Variants in BNIPL observed in about 807,000 individuals in gnomAD.
BNIPL encodes the protein BCL2 interacting protein like.
Under a neutral mutation model 47.0 loss-of-function variants are expected in BNIPL, and 33 were observed. The ratio of observed to expected loss-of-function variants is 0.70; its 90% confidence interval spans 0.53 to 0.94. BNIPL has a LOEUF of 0.94. Ranked by LOEUF, BNIPL falls within the 40% of genes least tolerant of loss-of-function variation. The pLI is 0.00. For synonymous variants in BNIPL, 145 were observed against 162.7 expected, an observed-to-expected ratio of 0.89 and a Z score of 0.83; for missense variants, 404 against 445.2, an observed-to-expected ratio of 0.91 and a Z score of 0.83.
chr1:151,045,613 A>C, intron 7 of BNIPL, 184 bp from the exon 8 acceptor site: 4 of 827,268 alleles, frequency 4.8e-6, no homozygotes, highest in Non-Finnish European at 6.8e-6. Flanking sequence ...AGGATCATGG[A>C]GGGCTAAATA....
intron 7 of BNIPL, among the ~76,000 whole-genome samples, chr1:151,045,281 A>G (rs1271706920): frequency 6.8e-6 from 1 of 147,832 alleles, no homozygotes; most frequent in African/African-American, 2.5e-5. Flanking sequence ...AAAAAAAAAA[A>G]AAAAAAAAAT....
Position 151,046,835 on chromosome 1 carries a change from T to A in BNIPL, c.*148T>A. On this transcript the variant is annotated 3_prime_UTR_variant, in exon 10 of 10. Transcript: ENST00000368931. ...TCTCAGTGGGATTTTGTCCTTTGCA[T>A]GACCCTACTTTCAGCAGGGCTTTGA... 1.7e-6 allele frequency: 1 copy of A among 599,834 alleles called. No individual in the cohort carries two copies. Among genetic ancestry groups the A allele is most frequent in the Non-Finnish European group, 2.8e-6 (1 of 352,924 alleles). The allele number at this position is 599,834 out of a possible 1,614,324, so 37.2% of individuals were successfully genotyped here. A position where few individuals can be genotyped will look rare whatever the true frequency, so the allele number is the denominator to read the frequency against.
At chr1:151,038,762 C>T in intron 3 of BNIPL, 34 bp from the exon 4 acceptor site, 2 of 1,558,552 alleles carry the variant, frequency 1.3e-6, no homozygotes, top group Non-Finnish European at 1.7e-6. Context: ...AACACACACA[C>T]CCATCTTGGT....
intron 9 of BNIPL, 39 bp from the exon 10 acceptor site, chr1:151,046,612 C>T (rs1676033192): frequency 2.6e-6 from 4 of 1,567,298 alleles, no homozygotes; most frequent in Non-Finnish European, 2.6e-6. Flanking sequence ...AAGTCCTACC[C>T]CCTGAACCAC....
At chr1:151,043,792 T>C in intron 7 of BNIPL, 65 bp downstream of exon 7, 1 of 1,507,810 alleles carries the variant, frequency 6.6e-7, no homozygotes, top group Non-Finnish European at 9.0e-7. Flanking sequence ...CTTTCTATTA[T>C]TTCTTCTTCC....
chr1:151,043,406 T>A lies in BNIPL; in HGVS notation c.691T>A (p.Tyr231Asn), dbSNP rs763562511. 1 of 1,608,238 alleles carries A rather than the reference T, an allele frequency of 6.2e-7. No individual in the cohort carries two copies. Among genetic ancestry groups the A allele is most frequent in the Non-Finnish European group, 8.5e-7 (1 of 1,174,720 alleles). ...TCTACCCAGAAGCAGCATCCCCAAC[T>A]ACACCTATGTCATGGAACACTTGTT... is the stretch of plus-strand genomic sequence containing the variant. ...CYLPRSSIPN[Y>N]TYVMEHLFRY... is the part of the protein sequence containing the mutation. Residue 231 changes from tyrosine to asparagine, a missense_variant, in exon 6 of 10, where the codon TAC (tyrosine) becomes AAC (asparagine). Tyr to Asn is a moderately radical substitution (Grantham distance 143). Transcript: ENST00000368931.
At chr1:151,042,906 T>A in intron 4 of BNIPL, 50 bp from the exon 5 acceptor site, 2 of 1,391,036 alleles carry the variant, frequency 1.4e-6, no homozygotes, top group Admixed American at 5.4e-5. Flanking sequence ...TACAAAAAAC[T>A]GAAGGTAGGA....
intron 9 of BNIPL, 91 bp from the exon 10 acceptor site, chr1:151,046,560 C>CA: frequency 8.2e-7 from 1 of 1,219,132 alleles, no homozygotes; most frequent in African/African-American, 1.5e-5. Context: ...CTAGCTCTTC[C>CA]AATTCACCTG....
intron 7 of BNIPL, chr1:151,044,755 CTG>C: frequency 1.7e-6 from 2 of 1,203,296 alleles, no homozygotes; most frequent in Non-Finnish European, 2.1e-6. Flanking sequence ...GTGCCTGGCC[CTG>C]TGTCTTCTTT....
Position 151,047,692 on chromosome 1 carries a change from G to GGCCCGCGCGAGCGC in BNIPL, c.*1009_*1022dup. On this transcript the variant is annotated 3_prime_UTR_variant, in exon 10 of 10. Coordinates refer to ENST00000368931, the MANE Select transcript of BNIPL (RefSeq NM_138278.4). ...GAGGTTCCTTAGGAGCACCCCGCGC[G>GGCCCGCGCGAGCGC]GCCCGCGCGAGCGCGCCTGCGCGTC... The GGCCCGCGCGAGCGC allele has an allele frequency of 1.2e-5, 16 of 1,289,762 alleles. No homozygotes were observed. Among genetic ancestry groups the GGCCCGCGCGAGCGC allele is most frequent in the Non-Finnish European group, 1.5e-5 (15 of 980,638 alleles). The allele number at this position is 1,289,762 out of a possible 1,614,324, so 79.9% of individuals were successfully genotyped here.
chr1:151,045,676 C>T (rs1675993758), intron 7 of BNIPL, 121 bp from the exon 8 acceptor site: 25 of 1,520,034 alleles, frequency 1.6e-5, no homozygotes, highest in Non-Finnish European at 2.1e-5. Flanking sequence ...GACCCAAGTA[C>T]CAGATAAATC....
Position 151,038,792 on chromosome 1 carries a change from C to T in BNIPL, c.203-4C>T, listed in dbSNP as rs759090792. The T allele has an allele frequency of 1.3e-6, 2 of 1,569,484 alleles. No homozygotes were observed. Among genetic ancestry groups the T allele is most frequent in the Admixed American group, 1.9e-5 (1 of 53,144 alleles). On this transcript the variant is annotated splice_polypyrimidine_tract_variant and splice_region_variant and intron_variant, in intron 3 of 9. Transcript: ENST00000368931. ...CTTGGTTCTCTTTTTCCCCCTTTCT[C>T]CAGCTGCAGGTACCCCCAGCACTTT... is the stretch of plus-strand genomic sequence containing the variant.
At chr1:151,045,558 C>CAAA (rs587769189) in intron 7 of BNIPL, 9,642 of 246,802 alleles carry the variant, frequency 0.039, 15 homozygotes, top group South Asian at 0.057. Context: ...GACTCCGTCT[C>CAAA]AAAAAAAAAA....
Position 151,045,848 on chromosome 1 carries a change from G to A in BNIPL, c.903G>A (p.Val301=). 2 of 1,614,190 alleles carry A rather than the reference G, an allele frequency of 1.2e-6. No homozygotes were observed. Reference sequence around the variant, plus strand: ...TGGTTGTCCATGCTACATGGTATGTGAAAGCATTTCTGGCACTGCTTCGGC... The same window carrying A: ...TGGTTGTCCATGCTACATGGTATGTAAAAGCATTTCTGGCACTGCTTCGGC... The part of the protein sequence containing the change: ...ALVVVHATWY[V]KAFLALLRPF... The change falls in exon 8 of 10, where the codon GTG becomes GTA. Residue 301 remains valine (V), a synonymous_variant. Coordinates refer to ENST00000368931, the MANE Select transcript of BNIPL (RefSeq NM_138278.4).
chr1:151,038,969 T>C lies in BNIPL; in HGVS notation c.376T>C (p.Leu126=). 1.9e-6 allele frequency: 3 copies of C among 1,611,938 alleles called. No homozygotes were observed. The highest frequency in any genetic ancestry group is 1.3e-5 in the African/African-American group (1 of 74,898). The part of the protein sequence containing the change: ...DGSSDLEIDE[L]ETPSDSEQLD... ...CAGTTCTGACCTGGAGATAGACGAA[T>C]TGGAGACACCTTCAGACTCGGAGCA... Residue 126 remains leucine (L), a synonymous_variant, in exon 4 of 10, where the codon TTG becomes CTG. Coordinates refer to ENST00000368931, the MANE Select transcript of BNIPL (RefSeq NM_138278.4).
In BNIPL at chr1:151,046,784, A is replaced by G; in HGVS notation, c.*97A>G. 9.9e-7 allele frequency: 1 copy of G among 1,006,036 alleles called. No homozygotes were observed. The highest frequency in any genetic ancestry group is 1.5e-6 in the Non-Finnish European group (1 of 671,806). 62.3% of individuals were successfully genotyped at this position (1,006,036 alleles called of 1,614,324 possible). On this transcript the variant is annotated 3_prime_UTR_variant, in exon 10 of 10. Transcript: ENST00000368931. ...CTGTTTTGTAAATCATCTTATCCCC[A>G]ACCTCAGTACCACCGGATCTTCACT...
chr1:151,036,870 G>C, intron 1 of BNIPL, 104 bp downstream of exon 1: 1 of 1,181,406 alleles, frequency 8.5e-7, no homozygotes, highest in Non-Finnish European at 1.3e-6. Flanking sequence ...GGTTCCTCAA[G>C]GAGACAAGAC....
chr1:151,038,263 A>G, intron 2 of BNIPL: 1 of 548,138 alleles, frequency 1.8e-6, no homozygotes, highest in South Asian at 2.3e-5. Context: ...AGGCCCAGCT[A>G]CTCGGGAGGC....
At chr1:151,037,747 TC>T in intron 2 of BNIPL, 85 bp downstream of exon 2, 1 of 1,231,438 alleles carries the variant, frequency 8.1e-7, no homozygotes, top group Non-Finnish European at 1.2e-6. Flanking sequence ...ATGGCTGTAA[TC>T]CCAGCACTTT....
Sources: allele counts gnomAD v4.1 joint callset (sites outside exome capture counted in the v4.1 genomes callset), GRCh38; gene constraint gnomAD v4.1.1; transcripts MANE v1.5; gene names NCBI Gene and HGNC (gene_info 2026-07-23, HGNC 2026-07-21).